Variants in SMG6 observed in about 807,000 individuals in gnomAD.
The protein encoded by SMG6 is SMG6 nonsense mediated mRNA decay factor, also known as telomerase-binding protein EST1A.
Under a neutral mutation model 142.2 loss-of-function variants are expected in SMG6, and 66 were observed. The observed-to-expected ratio is 0.46, with a 90% CI of 0.38 to 0.57. The LOEUF (loss-of-function observed/expected upper bound fraction) is 0.57, where lower values mean the gene tolerates loss of function less well. SMG6 is among the 20% of genes least tolerant of loss of function. SMG6 has a pLI of 0.00. For synonymous variants in SMG6, 779 were observed against 702.4 expected (o/e 1.11, Z -1.72); for missense variants, 1,793 against 1,832.0 (o/e 0.98, Z 0.39).
chr17:2,103,990 A>T (rs565719704), intron 13 of SMG6, among the ~76,000 whole-genome samples: 2 of 149,218 alleles, frequency 1.3e-5, no homozygotes, highest in South Asian at 2.1e-4. Context: ...CTTGTTCTGT[A>T]GCCCAGGCAG....
intron 10 of SMG6, among the ~76,000 whole-genome samples, chr17:2,213,527 G>A (rs1350284281): frequency 6.6e-6 from 1 of 152,114 alleles, no homozygotes; most frequent in Non-Finnish European, 1.5e-5. Context: ...TAATAACCAT[G>A]GGCTGTAGCA....
At chr17:2,065,732 T>C in intron 16 of SMG6, 53 bp from the exon 17 acceptor site, 1 of 1,457,530 alleles carries the variant, frequency 6.9e-7, no homozygotes, top group Non-Finnish European at 9.4e-7. Context: ...GCTTTCATCC[T>C]AGGCCTCTGT....
At chr17:2,132,932 C>T (rs989079755) in intron 13 of SMG6, among the ~76,000 whole-genome samples, 1 of 152,182 alleles carries the variant, frequency 6.6e-6, no homozygotes, top group African/African-American at 2.4e-5. Context: ...CAGGCACGTG[C>T]TACCATGTCT....
intron 13 of SMG6, among the ~76,000 whole-genome samples, chr17:2,143,531 T>C (rs571634370): frequency 1.3e-5 from 2 of 152,090 alleles, no homozygotes; most frequent in East Asian, 3.9e-4. Context: ...AAGAGGCAAA[T>C]CTAGAGAGAC....
At chr17:2,282,416 T>C (rs951058371) in intron 8 of SMG6, among the ~76,000 whole-genome samples, 10 of 126,402 alleles carry the variant, frequency 7.9e-5, no homozygotes, top group African/African-American at 3.1e-4. Flanking sequence ...AAAAAAAAAA[T>C]TCTAATCCTA....
At chr17:2,198,730 G>C (rs1027933587) in intron 10 of SMG6, among the ~76,000 whole-genome samples, 4 of 152,032 alleles carry the variant, frequency 2.6e-5, no homozygotes, top group African/African-American at 9.7e-5. Flanking sequence ...AAGAAGATCT[G>C]ACACAGCATT....
At chr17:2,157,267 G>C (rs1252947123) in intron 13 of SMG6, among the ~76,000 whole-genome samples, 1 of 152,202 alleles carries the variant, frequency 6.6e-6, no homozygotes, top group East Asian at 1.9e-4. Flanking sequence ...AGTGACTAGT[G>C]CTGGTAGGGA....
intron 13 of SMG6, among the ~76,000 whole-genome samples, chr17:2,134,709 A>T (rs1402476752): frequency 6.6e-6 from 1 of 152,152 alleles, no homozygotes. Context: ...CCTGCTAAAT[A>T]CACTACTAAA....
At chr17:2,206,749 GT>G (rs1427218999) in intron 10 of SMG6, among the ~76,000 whole-genome samples, 1 of 151,954 alleles carries the variant, frequency 6.6e-6, no homozygotes, top group East Asian at 1.9e-4. Context: ...TTAGCTGGAT[GT>G]GGTGGTGCAT....
chr17:2,166,955 G>A (rs1038701147), intron 13 of SMG6, among the ~76,000 whole-genome samples: 2 of 151,784 alleles, frequency 1.3e-5, no homozygotes, highest in Non-Finnish European at 2.9e-5. Context: ...GCAAAACCCC[G>A]TCTCTACTAA....
intron 6 of SMG6, among the ~76,000 whole-genome samples, chr17:2,292,027 TA>T (rs1373026258): frequency 4.6e-5 from 7 of 152,074 alleles, no homozygotes; most frequent in Admixed American, 3.3e-4. Flanking sequence ...ATTACAGACA[TA>T]TTTAGAGCAC....
Position 2,081,864 on chromosome 17 carries a change from C to T in SMG6, c.3627G>A (p.Lys1209=). 1 of 1,614,098 alleles carries T rather than the reference C, an allele frequency of 6.2e-7. No individual in the cohort carries two copies. The highest frequency in any genetic ancestry group is 8.5e-7 in the Non-Finnish European group (1 of 1,180,038). The change falls in exon 15 of 19, where the codon AAG becomes AAA. Residue 1209 remains lysine, a synonymous_variant. Coordinates refer to ENST00000263073, the MANE Select transcript of SMG6 (RefSeq NM_017575.5). ...CAGCTATCTTCCTGGCCAGAGCCAG[C>T]TTCTTGGCCCGAAGCTCCCTGATGT... The part of the protein sequence containing the change: ...EDDIRELRAK[K]LALARKIAEQ...
At chr17:2,223,938 A>T (rs1321316607) in intron 10 of SMG6, among the ~76,000 whole-genome samples, 1 of 152,164 alleles carries the variant, frequency 6.6e-6, no homozygotes, top group Non-Finnish European at 1.5e-5. Context: ...AAAAGAAAAG[A>T]AAAGAAAGAA....
chr17:2,183,126 T>G (rs1304416340), intron 12 of SMG6, among the ~76,000 whole-genome samples: 1 of 152,024 alleles, frequency 6.6e-6, no homozygotes, highest in Non-Finnish European at 1.5e-5. Context: ...CTTGGGAGAC[T>G]GAGGTGGGAG....
intron 9 of SMG6, among the ~76,000 whole-genome samples, chr17:2,239,559 G>A (rs1441920804): frequency 6.6e-6 from 1 of 151,774 alleles, no homozygotes; most frequent in Non-Finnish European, 1.5e-5. Context: ...TAGTTGTAAA[G>A]CAATAGAAAA....
At chr17:2,091,843 TGTG>T (rs2068729038) in intron 13 of SMG6, among the ~76,000 whole-genome samples, 1 of 149,944 alleles carries the variant, frequency 6.7e-6, no homozygotes. Flanking sequence ...GCTAATTTTG[TGTG>T]TGTGTGTGTT....
rs149619793 is a variant in SMG6, at chr17:2,140,952, G to A, written c.3357+31706C>T. On this transcript the variant is annotated intron_variant, in intron 13 of 18. Coordinates refer to ENST00000263073, the MANE Select transcript of SMG6 (RefSeq NM_017575.5). ...TCAACTGTTTATGATTCAAAAGGCT[G>A]AGGTAGGGCCTAAAACATTACAAGT... Among the ~76,000 whole-genome samples, 100 of 152,332 alleles carry A rather than the reference G, an allele frequency of 6.6e-4. 1 individual carries two copies. In the East Asian group the frequency reaches 0.018, roughly 27 times the overall value.
At chr17:2,282,261 GACTA>G (rs2074803056) in intron 8 of SMG6, among the ~76,000 whole-genome samples, 1 of 151,950 alleles carries the variant, frequency 6.6e-6, no homozygotes, top group South Asian at 2.1e-4. Context: ...TCACAAATCA[GACTA>G]ACTAACCTAT....
At chr17:2,075,592 G>A (rs938269775) in intron 15 of SMG6, among the ~76,000 whole-genome samples, 8 of 152,250 alleles carry the variant, frequency 5.3e-5, no homozygotes, top group Non-Finnish European at 1.2e-4. Context: ...CTCATGCCTG[G>A]AGGAGCATTT....
Sources: gnomAD v4.1 joint callset for allele counts (sites outside exome capture counted in the v4.1 genomes callset) on GRCh38, gnomAD v4.1.1 for gene constraint, MANE v1.5 for transcripts, NCBI Gene and HGNC (gene_info 2026-07-23, HGNC 2026-07-21) for gene names.